The following HM13 variants were observed in gnomAD, a reference collection of about 807,000 sequenced individuals.
HM13 encodes the protein histocompatibility minor 13, also known as signal peptide peptidase.
Under a neutral mutation model 50.0 loss-of-function variants are expected in HM13, and 18 were observed. That is an observed-to-expected ratio of 0.36 (90% CI 0.25 to 0.53). The LOEUF (loss-of-function observed/expected upper bound fraction) is 0.53, where lower values mean the gene tolerates loss of function less well. Among genes scored for constraint, HM13 ranks in the 20% least tolerant of loss-of-function variants. The pLI is 0.90. For synonymous variants in HM13, 197 were observed against 232.6 expected (o/e 0.85, Z 1.39); for missense variants, 393 against 552.4 (o/e 0.71, Z 2.89).
At chr20:31,545,147 T>C in intron 4 of HM13, 112 bp downstream of exon 4, 1 of 803,166 alleles carries the variant, frequency 1.2e-6, no homozygotes, top group Non-Finnish European at 2.1e-6. Flanking sequence ...AAGTGGGCTC[T>C]GGAATTCCAT....
At chr20:31,550,567 G>T (rs910334694) in intron 7 of HM13, 5 of 156,380 alleles carry the variant, frequency 3.2e-5, no homozygotes, top group Non-Finnish European at 7.1e-5. Context: ...TCCACCTACA[G>T]GTTGAGCATC....
intron 1 of HM13, among the ~76,000 whole-genome samples, chr20:31,520,103 C>T (rs1474590531): frequency 1.3e-5 from 2 of 151,788 alleles, no homozygotes; most frequent in Non-Finnish European, 2.9e-5. Flanking sequence ...GTGATCTGCC[C>T]GCCTTGGCCT....
At chr20:31,536,386 G>C (rs966024192) in intron 2 of HM13, among the ~76,000 whole-genome samples, 3 of 151,874 alleles carry the variant, frequency 2.0e-5, no homozygotes, top group African/African-American at 7.3e-5. Flanking sequence ...GGTCAGGGGA[G>C]CAGAACAGAT....
At chr20:31,535,464 A>G (rs7271374) in intron 2 of HM13, 38,558 of 152,148 alleles carry the variant, frequency 0.25, 6,970 homozygotes, top group African/African-American at 0.51. Flanking sequence ...CAAAACACAA[A>G]GGAAAGTGAG....
chr20:31,548,872 C>G (rs1983862989), intron 4 of HM13, 157 bp from the exon 5 acceptor site: 3 of 707,996 alleles, frequency 4.2e-6, no homozygotes, highest in Non-Finnish European at 7.5e-6. Context: ...CTCTCCCCTT[C>G]TGAAACTCAT....
At chr20:31,535,374 G>A (rs1268800279) in intron 2 of HM13, 1 of 152,208 alleles carries the variant, frequency 6.6e-6, no homozygotes, top group Non-Finnish European at 1.5e-5. Context: ...CTTGGGTGAG[G>A]ACCACACCCA....
At position 31,559,506 on chromosome 20, in the gene HM13, T is replaced by C. The variant is rs962629617; in HGVS notation, c.809-105T>C. 9.9e-6 allele frequency: 11 copies of C among 1,108,402 alleles called. No homozygotes were observed. In the African/African-American group the frequency reaches 1.5e-4, roughly 15 times the overall value. 68.7% of individuals were successfully genotyped at this position (1,108,402 alleles called of 1,614,324 possible). ...TGGCCACACCCTTGGTCTCCAATGA[T>C]TGCTCCAAGATGGAACACCAGGTTG... On this transcript the variant is annotated intron_variant, in intron 8 of 12. Coordinates refer to ENST00000398174, the MANE Select transcript of HM13 (RefSeq NM_178581.3).
intron 1 of HM13, among the ~76,000 whole-genome samples, chr20:31,520,706 G>A (rs1982105202): frequency 6.6e-6 from 1 of 152,172 alleles, no homozygotes; most frequent in South Asian, 2.1e-4. Flanking sequence ...GTGTAATGTT[G>A]GTGCAGGGGT....
chr20:31,533,007 C>T lies in HM13; in HGVS notation c.283-5172C>T, dbSNP rs929638806. ...CCAGAAGCACAGAGTATACCCCATG[C>T]CTCTAGAGTGTCCCCAGTAAGATTT... On this transcript the variant is annotated intron_variant, in intron 2 of 12. Transcript: ENST00000398174. Among the ~76,000 whole-genome samples the T allele has an allele frequency of 2.6e-5, 4 of 152,318 alleles. No individual in the cohort carries two copies. The East Asian group carries it at 7.7e-4, about 29-fold the overall frequency.
At position 31,566,196 on chromosome 20, in the gene HM13, G is replaced by A; in HGVS notation, c.949-14G>A. On this transcript the variant is annotated splice_polypyrimidine_tract_variant and intron_variant, in intron 10 of 12. Coordinates refer to ENST00000398174, the MANE Select transcript of HM13 (RefSeq NM_178581.3). ...GTGCCCAGCATGGCTTCACCAGCCT[G>A]TGTCCTCTCATAGCCTGCCCTCCTA... 1 of 1,611,094 alleles carries A rather than the reference G, an allele frequency of 6.2e-7. No homozygotes were observed. The highest frequency in any genetic ancestry group is 8.5e-7 in the Non-Finnish European group (1 of 1,177,454).
rs1985053320 is a variant in HM13, at chr20:31,568,353, T to C, written c.1181+129T>C. On this transcript the variant is annotated intron_variant, in intron 12 of 12. Coordinates refer to ENST00000398174, the MANE Select transcript of HM13 (RefSeq NM_178581.3). ...AGGAGTAGGCCGCAAGAGCAGCTCC[T>C]CCACAACCACCAGGCAGTGGTTGCA... 5 of 1,299,294 alleles carry C rather than the reference T, an allele frequency of 3.8e-6. No homozygotes were observed. The South Asian group carries it at 7.9e-5, about 21-fold the overall frequency. 80.5% of individuals were successfully genotyped at this position (1,299,294 alleles called of 1,614,324 possible). A position where few individuals can be genotyped will look rare whatever the true frequency, so the allele number is the denominator to read the frequency against.
At chr20:31,526,449 G>T (rs370656494) in intron 1 of HM13, among the ~76,000 whole-genome samples, 2 of 152,120 alleles carry the variant, frequency 1.3e-5, no homozygotes, top group East Asian at 1.9e-4. Context: ...GAGCCACTGC[G>T]CCTGGCCTTC....
intron 11 of HM13, chr20:31,567,841 C>A: frequency 2.1e-6 from 1 of 482,410 alleles, no homozygotes; most frequent in Non-Finnish European, 3.6e-6. Context: ...GCAGCACATA[C>A]ACTTCTAGAG....
In HM13 at chr20:31,549,306, G is replaced by C; in HGVS notation, c.640G>C (p.Gly214Arg). 6.2e-7 allele frequency: 1 copy of C among 1,614,220 alleles called. No homozygotes were observed. The highest frequency in any genetic ancestry group is 8.5e-7 in the Non-Finnish European group (1 of 1,180,052). Residue 214 changes from glycine (G) to arginine (R), a missense_variant, in exon 6 of 13, where the codon GGA (glycine) becomes CGA (arginine). By Grantham distance (125) the Gly-to-Arg change is moderately radical. Around this residue, in one of 3 missense-constraint regions of HM13, gnomAD observed 214 missense variants for 276.1 expected, o/e 0.77. Coordinates refer to ENST00000398174, the MANE Select transcript of HM13 (RefSeq NM_178581.3). ...NVSTGCILLG[G>R]LFIYDVFWVF... is the part of the protein sequence containing the mutation. Reference sequence around the variant, plus strand: ...CAGCACTGGCTGCATCCTGCTGGGCGGACTCTTCATCTACGATGTCTTCTG... The same window carrying C: ...CAGCACTGGCTGCATCCTGCTGGGCCGACTCTTCATCTACGATGTCTTCTG...
rs753039180 is a variant in HM13 at position 31,514,834 on chromosome 20, ACT to A, written c.183+103_183+104del. 1.4e-4 allele frequency: 163 copies of A among 1,148,276 alleles called. No individual in the cohort carries two copies. The highest frequency in any genetic ancestry group is 1.8e-4 in the Non-Finnish European group (151 of 839,238). 71.1% of individuals were successfully genotyped at this position (1,148,276 alleles called of 1,614,324 possible). ...GACAGACACCTCTCCCCGGACACTG[ACT>A]CTTCCCAGCCCTGATCACCACCGTT... On this transcript the variant is annotated intron_variant, in intron 1 of 12. Transcript: ENST00000398174. This position sits in a 1 kb window ranked among gnomAD's most constrained non-coding sequence, Gnocchi z 4.3.
chr20:31,561,553 C>T, intron 9 of HM13, 81 bp from the exon 10 acceptor site: 3 of 985,444 alleles, frequency 3.0e-6, no homozygotes, highest in Middle Eastern at 2.1e-4. Flanking sequence ...CTAGGGTCTT[C>T]CCCAGCTCCC....
chr20:31,562,978 C>A (rs896206227), intron 10 of HM13, among the ~76,000 whole-genome samples: 1 of 152,148 alleles, frequency 6.6e-6, no homozygotes, highest in African/African-American at 2.4e-5. Flanking sequence ...GAGTCCAAGC[C>A]CAGAGCCAAT....
chr20:31,527,825 GT>G (rs11475928), intron 2 of HM13: 96,405 of 468,084 alleles, frequency 0.21, 17,638 homozygotes, highest in African/African-American at 0.7. Flanking sequence ...TATCAGTTTG[GT>G]TTCATTGTAC....
chr20:31,546,849 G>T (rs899500182), intron 4 of HM13, among the ~76,000 whole-genome samples: 1 of 151,882 alleles, frequency 6.6e-6, no homozygotes, highest in South Asian at 2.1e-4. Context: ...GGTCACTTGA[G>T]CCCTGGAGTT....
Sources: gnomAD v4.1 joint callset for allele counts (sites outside exome capture counted in the v4.1 genomes callset) on GRCh38, gnomAD v4.1.1 for gene constraint, gnomAD v4.1.1 regional missense constraint, Gnocchi (gnomAD v3.1) non-coding constraint, MANE v1.5 for transcripts, NCBI Gene and HGNC (gene_info 2026-07-23, HGNC 2026-07-21) for gene names.